TRIM63: variants seen among roughly 807,000 people sequenced by gnomAD.
TRIM63 encodes the protein E3 ubiquitin-protein ligase TRIM63.
Under a neutral mutation model 46.0 loss-of-function variants are expected in TRIM63, and 48 were observed. The ratio of observed to expected loss-of-function variants is 1.04; its 90% CI spans 0.83 to 1.33. The LOEUF is 1.33. Ranked by LOEUF, TRIM63 falls within the 40% of genes most tolerant of loss-of-function variation. The probability of loss-of-function intolerance (pLI) is 0.00; values close to 1 mark genes in which losing one functional copy is unlikely to be tolerated. For missense variants in TRIM63, 455 were observed against 441.2 expected, an observed-to-expected ratio of 1.03 and a Z score of -0.28; for synonymous variants, 175 against 162.8, an observed-to-expected ratio of 1.08 and a Z score of -0.57.
At chr1:26,065,208 G>C (rs1181013975) in intron 2 of TRIM63, among the ~76,000 whole-genome samples, 2 of 151,838 alleles carry the variant, frequency 1.3e-5, no homozygotes, top group Non-Finnish European at 2.9e-5. Context: ...ATTTTTAGTA[G>C]AGACGGGGTT....
chr1:26,063,848 G>T (rs1318253459), intron 2 of TRIM63, among the ~76,000 whole-genome samples: 1 of 152,210 alleles, frequency 6.6e-6, no homozygotes, highest in Non-Finnish European at 1.5e-5. Flanking sequence ...GGCCTCAAAG[G>T]TTCACATATA....
chr1:26,065,946 G>A (rs76713804), intron 2 of TRIM63, among the ~76,000 whole-genome samples: 20,410 of 152,258 alleles, frequency 0.13, 1,573 homozygotes, highest in Middle Eastern at 0.23. Context: ...GTTTCTCACC[G>A]GGCATTTTCT....
chr1:26,061,150 T>A lies in TRIM63; in HGVS notation c.501+16A>T. The A allele has an allele frequency of 2.5e-6, 4 of 1,610,490 alleles. No homozygotes were observed. Among genetic ancestry groups the A allele is most frequent in the Non-Finnish European group, 3.4e-6 (4 of 1,177,832 alleles). ...AGCAGGCCCAGGCTGGGGGTAAAAG[T>A]GGCTGGAGACAGTACCTTTTGTCCC... On this transcript the variant is annotated intron_variant, in intron 3 of 8. Coordinates refer to ENST00000374272, the MANE Select transcript of TRIM63 (RefSeq NM_032588.4).
rs1338320582 is a variant in TRIM63, at chr1:26,066,343, C to G, written c.257G>C (p.Arg86Pro). Reference sequence around the variant, plus strand: ...CCTCTGCAGGCCGTACACTCCGTGACGATCCATGATCACCTCGTGGCGGCA... The same window carrying G: ...CCTCTGCAGGCCGTACACTCCGTGAGGATCCATGATCACCTCGTGGCGGCA... ...PTCRHEVIMD[R>P]HGVYGLQRNL... Residue 86 changes from arginine (R) to proline (P), a missense_variant, in exon 2 of 9, where the codon CGT (arginine) becomes CCT (proline). Physicochemically the swap from Arg to Pro is moderately radical, Grantham distance 103. Coordinates refer to ENST00000374272, the MANE Select transcript of TRIM63 (RefSeq NM_032588.4). The G allele has an allele frequency of 1.2e-6, 2 of 1,614,148 alleles. No individual in the cohort carries two copies. Among genetic ancestry groups the G allele is most frequent in the Admixed American group, 1.7e-5 (1 of 60,020 alleles).
In TRIM63 at chr1:26,061,208, G is replaced by T; in HGVS notation, c.459C>A (p.Ala153=). Residue 153 remains alanine, a synonymous_variant, in exon 3 of 9, where the codon GCC becomes GCA. Coordinates refer to ENST00000374272, the MANE Select transcript of TRIM63 (RefSeq NM_032588.4). ...SMCKVFGIHK[A]CEVAPLQSVF... is the part of the protein sequence containing the mutation. The stretch of plus-strand genomic sequence containing the variant: ...CACTCTGCAATGGGGCCACCTCGCA[G>T]GCCTTGTGGATCCCAAACACCTTGC... 25 of 1,614,192 alleles carry T rather than the reference G, an allele frequency of 1.5e-5. No homozygotes were observed. Among genetic ancestry groups the T allele is most frequent in the Non-Finnish European group, 2.0e-5 (24 of 1,180,028 alleles).
chr1:26,064,815 C>A (rs2050661687), intron 2 of TRIM63, among the ~76,000 whole-genome samples: 1 of 152,202 alleles, frequency 6.6e-6, no homozygotes, highest in Non-Finnish European at 1.5e-5. Flanking sequence ...AAGCACAGTT[C>A]CCCGGGTCAG....
In TRIM63 at chr1:26,060,314, A is replaced by G. The variant is rs1333924859; in HGVS notation, c.549T>C (p.Arg183=). 18 of 1,614,054 alleles carry G rather than the reference A, an allele frequency of 1.1e-5. No individual in the cohort carries two copies. The Middle Eastern group carries it at 3.0e-3, about 266-fold the overall frequency. The part of the protein sequence containing the change: ...CISMLVAGND[R]VQTIITQLED... ...CCAGCTGAGTGATGATGGTCTGCAC[A>G]CGGTCATTCCCCGCCACCAGCATGG... The change falls in exon 4 of 9, where the codon CGT becomes CGC. Residue 183 remains arginine, a synonymous_variant. Transcript: ENST00000374272.
chr1:26,064,775 A>T (rs1005754910), intron 2 of TRIM63, among the ~76,000 whole-genome samples: 1 of 152,218 alleles, frequency 6.6e-6, no homozygotes, highest in Non-Finnish European at 1.5e-5. Flanking sequence ...CCAGCATGGT[A>T]CAGTACATTA....
intron 5 of TRIM63, 136 bp downstream of exon 5, chr1:26,058,252 CAG>C (rs2050590203): frequency 1.4e-6 from 1 of 702,918 alleles, no homozygotes; most frequent in Non-Finnish European, 2.5e-6. Flanking sequence ...GCCCATTTGA[CAG>C]ATGAGGAAAC....
intron 7 of TRIM63, among the ~76,000 whole-genome samples, chr1:26,056,978 G>A (rs2050577032): frequency 6.6e-6 from 1 of 152,140 alleles, no homozygotes; most frequent in Admixed American, 6.5e-5. Flanking sequence ...GGTCAGGCTG[G>A]TCTCAAACTC....
intron 7 of TRIM63, among the ~76,000 whole-genome samples, chr1:26,054,335 C>T (rs1319655228): frequency 6.6e-6 from 1 of 152,254 alleles, no homozygotes; most frequent in East Asian, 1.9e-4. Context: ...GAAAAACCTC[C>T]TCGATCCTCA....
At chr1:26,061,472 T>C (rs774113454) in intron 2 of TRIM63, 138 bp from the exon 3 acceptor site, 19 of 880,836 alleles carry the variant, frequency 2.2e-5, no homozygotes, top group Non-Finnish European at 3.3e-5. Context: ...GGCTGCAGTG[T>C]GTCTGTGAAT....
chr1:26,062,049 C>T (rs1272229070), intron 2 of TRIM63, among the ~76,000 whole-genome samples: 2 of 152,128 alleles, frequency 1.3e-5, no homozygotes, highest in Non-Finnish European at 2.9e-5. Context: ...GGGAGAGTCA[C>T]CTGAGGTCAG....
At chr1:26,057,788 A>C in intron 5 of TRIM63, 138 bp from the exon 6 acceptor site, 1 of 842,804 alleles carries the variant, frequency 1.2e-6, no homozygotes, top group South Asian at 1.9e-5. Context: ...TCCCCACCCC[A>C]AACTGAGCAG....
chr1:26,054,585 A>G (rs143141084), intron 7 of TRIM63, among the ~76,000 whole-genome samples: 123 of 152,100 alleles, frequency 8.1e-4, no homozygotes, highest in African/African-American at 2.8e-3. Flanking sequence ...TTAACAGGGA[A>G]CATCTCCCTT....
chr1:26,053,452 C>A (rs183556229), intron 8 of TRIM63, among the ~76,000 whole-genome samples: 209 of 151,982 alleles, frequency 1.4e-3, no homozygotes, highest in African/African-American at 4.2e-3. Context: ...CAGGGTTTCA[C>A]CATGTTGGCC....
At chr1:26,066,506 C>T (rs2050679857) in intron 1 of TRIM63, 66 bp from the exon 2 acceptor site, 3 of 1,408,858 alleles carry the variant, frequency 2.1e-6, no homozygotes, top group African/African-American at 2.9e-5. Context: ...TTCTAATCTC[C>T]TCTTATCCTT....
At chr1:26,058,315 G>T (rs531706814) in intron 5 of TRIM63, 75 bp downstream of exon 5, 4 of 1,339,206 alleles carry the variant, frequency 3.0e-6, no homozygotes, top group South Asian at 2.5e-5. Context: ...TGGGTGGTCA[G>T]TGGGGAAGCA....
In TRIM63 at chr1:26,066,343, C is replaced by A; in HGVS notation, c.257G>T (p.Arg86Leu). ...CCTCTGCAGGCCGTACACTCCGTGA[C>A]GATCCATGATCACCTCGTGGCGGCA... ...PTCRHEVIMD[R>L]HGVYGLQRNL... The change falls in exon 2 of 9, where the codon CGT (arginine) becomes CTT (leucine). Residue 86 changes from arginine (R) to leucine (L), a missense_variant. By Grantham distance (102) the Arg-to-Leu change is moderately radical. Transcript: ENST00000374272. 1 of 1,614,148 alleles carries A rather than the reference C, an allele frequency of 6.2e-7. No homozygotes were observed. Among genetic ancestry groups the A allele is most frequent in the Non-Finnish European group, 8.5e-7 (1 of 1,180,022 alleles).
Sources: gnomAD v4.1 joint callset for allele counts (sites outside exome capture counted in the v4.1 genomes callset) on GRCh38, gnomAD v4.1.1 for gene constraint, MANE v1.5 for transcripts, NCBI Gene and HGNC (gene_info 2026-07-23, HGNC 2026-07-21) for gene names.